Variants in DCHS2 observed in about 807,000 individuals in gnomAD.
DCHS2 encodes the protein dachsous cadherin-related 2.
A neutral mutation model predicts 182.4 loss-of-function variants in DCHS2; 142 were observed. The ratio of observed to expected loss-of-function variants is 0.78; its 90% CI spans 0.68 to 0.89. The LOEUF (loss-of-function observed/expected upper bound fraction) is 0.89, where lower values mean the gene tolerates loss of function less well. DCHS2 is among the 40% of genes least tolerant of loss of function. The probability of loss-of-function intolerance (pLI) is 0.00; values close to 1 mark genes in which losing one functional copy is unlikely to be tolerated. For missense variants in DCHS2, 4,319 were observed against 4,198.6 expected (o/e 1.03, Z -0.79); for synonymous variants, 1,740 against 1,663.3 (o/e 1.05, Z -1.12).
chr4:154,310,822 A>C (rs1001802308), intron 10 of DCHS2, among the ~76,000 whole-genome samples: 1 of 152,234 alleles, frequency 6.6e-6, no homozygotes, highest in Non-Finnish European at 1.5e-5. Flanking sequence ...TCTGATGAGC[A>C]GAAAGTAGCA....
At chr4:154,345,853 T>G (rs1267107172) in intron 3 of DCHS2, among the ~76,000 whole-genome samples, 1 of 152,214 alleles carries the variant, frequency 6.6e-6, no homozygotes, top group East Asian at 1.9e-4. Flanking sequence ...TTAGTCAGAA[T>G]TACACAAAGA....
At chr4:154,332,362 T>C (rs887084999) in intron 5 of DCHS2, 116 bp downstream of exon 5, 2 of 929,614 alleles carry the variant, frequency 2.2e-6, no homozygotes, top group Non-Finnish European at 3.1e-6. Flanking sequence ...CCTAACGACT[T>C]GAGTTTTCTC....
intron 1 of DCHS2, among the ~76,000 whole-genome samples, chr4:154,385,783 C>T (rs568449437): frequency 3.9e-4 from 60 of 152,216 alleles, no homozygotes; most frequent in African/African-American, 1.3e-3. Flanking sequence ...TGAGCCACCA[C>T]GCCCAGCCCA....
At chr4:154,272,069 A>T (rs1368017428) in intron 13 of DCHS2, 1 of 152,170 alleles carries the variant, frequency 6.6e-6, no homozygotes, top group African/African-American at 2.4e-5. Context: ...TTTTTTGAGA[A>T]TCAAGCATGT....
At chr4:154,337,964 C>A (rs1055908878) in intron 3 of DCHS2, among the ~76,000 whole-genome samples, 7 of 152,102 alleles carry the variant, frequency 4.6e-5, no homozygotes, top group African/African-American at 7.2e-5. Context: ...TGGTCTCGAA[C>A]TCCTGACGTG....
At chr4:154,449,361 A>G (rs573812804) in intron 1 of DCHS2, among the ~76,000 whole-genome samples, 1 of 152,162 alleles carries the variant, frequency 6.6e-6, no homozygotes, top group African/African-American at 2.4e-5. Context: ...AAAAATGAGT[A>G]AATAAGTTTT....
rs1220408236 is a variant in DCHS2, at chr4:154,236,632, C to T, written c.8020G>A (p.Val2674Ile). Reference sequence around the variant, plus strand: ...CTCCCTAGAGGGGTGCTTTCCTTGACATGGGTGTGATAGCTCAGGCTGCTG... The same window carrying T: ...CTCCCTAGAGGGGTGCTTTCCTTGATATGGGTGTGATAGCTCAGGCTGCTG... Reference protein sequence around the residue: ...NFSSLSYHTHVKESTPLGSHI... With the variant: ...NFSSLSYHTHIKESTPLGSHI... The change falls in exon 20 of 20, where the codon GTC (valine) becomes ATC (isoleucine). Residue 2674 changes from valine (V) to isoleucine (I), a missense_variant. Transcript: ENST00000357232. 3.1e-6 allele frequency: 5 copies of T among 1,613,992 alleles called. No individual in the cohort carries two copies. Among genetic ancestry groups the T allele is most frequent in the Non-Finnish European group, 4.2e-6 (5 of 1,179,930 alleles).
intron 1 of DCHS2, among the ~76,000 whole-genome samples, chr4:154,478,914 T>C (rs1374917826): frequency 6.6e-6 from 1 of 152,088 alleles, no homozygotes; most frequent in Non-Finnish European, 1.5e-5. Flanking sequence ...CAACAAAACA[T>C]ACACAATGTC....
chr4:154,302,845 TATATGAA>T, intron 12 of DCHS2, among the ~76,000 whole-genome samples: 1 of 104,064 alleles, frequency 9.6e-6, no homozygotes, highest in Non-Finnish European at 2.2e-5. Context: ...TATACACACA[TATATGAA>T]ATATATATAC....
Position 154,319,406 on chromosome 4 carries a change from GA to G in DCHS2, c.5020+972del, listed in dbSNP as rs1735970103. ...GAAAAAGGCAACCTATAGAATGGGAGAAAGTATTTGTAAATCATCTATCTGA... is the reference window on the plus strand; with the variant it reads ...GAAAAAGGCAACCTATAGAATGGGAGAAGTATTTGTAAATCATCTATCTGA... On this transcript the variant is annotated intron_variant, in intron 9 of 19. Transcript: ENST00000357232. Among the ~76,000 whole-genome samples, 3 of 151,862 alleles carry G rather than the reference GA, an allele frequency of 2.0e-5. No individual in the cohort carries two copies. In the South Asian group the frequency reaches 6.2e-4, roughly 32 times the overall value.
chr4:154,247,737 C>T (rs1300140179), intron 16 of DCHS2, among the ~76,000 whole-genome samples: 1 of 151,140 alleles, frequency 6.6e-6, no homozygotes, highest in Non-Finnish European at 1.5e-5. Context: ...ACAGCAATGC[C>T]TTCAAAATTC....
rs770859675 is a variant in DCHS2 at position 154,320,801 on chromosome 4, T to C, written c.4598A>G (p.Asn1533Ser). The C allele has an allele frequency of 1.4e-5, 22 of 1,614,110 alleles. No homozygotes were observed. Among genetic ancestry groups the C allele is most frequent in the South Asian group, 7.7e-5 (7 of 91,086 alleles). ...VPIGTLVYVF[N>S]AKDDDGSFLN... Reference sequence around the variant, plus strand: ...AAAACTGCCGTCATCATCTTTGGCATTGAAGACATACACCAGGGTTCCTAT... The same window carrying C: ...AAAACTGCCGTCATCATCTTTGGCACTGAAGACATACACCAGGGTTCCTAT... Residue 1533 changes from asparagine (N) to serine (S), a missense_variant, in exon 9 of 20, where the codon AAT becomes AGT. By Grantham distance (46) the Asn-to-Ser change is conservative (BLOSUM62 1). Transcript: ENST00000357232.
intron 1 of DCHS2, among the ~76,000 whole-genome samples, chr4:154,436,082 C>T (rs2110945465): frequency 6.6e-6 from 1 of 152,338 alleles, no homozygotes; most frequent in African/African-American, 2.4e-5. Context: ...TTCTTTACTG[C>T]TCTCTGTAGG....
At chr4:154,328,634 T>A (rs1166106589) in intron 6 of DCHS2, among the ~76,000 whole-genome samples, 1 of 152,212 alleles carries the variant, frequency 6.6e-6, no homozygotes, top group Admixed American at 6.5e-5. Context: ...TATCAGGAGC[T>A]GTCCTGCAAT....
At chr4:154,455,521 C>A (rs1734726676) in intron 1 of DCHS2, among the ~76,000 whole-genome samples, 1 of 152,110 alleles carries the variant, frequency 6.6e-6, no homozygotes, top group Non-Finnish European at 1.5e-5. Flanking sequence ...ATTATGAAAA[C>A]AATTCTATGT....
At chr4:154,369,031 C>T (rs1398638133) in intron 2 of DCHS2, among the ~76,000 whole-genome samples, 4 of 152,134 alleles carry the variant, frequency 2.6e-5, no homozygotes, top group Non-Finnish European at 4.4e-5. Flanking sequence ...TATACATTTA[C>T]TGTGCTAATG....
intron 3 of DCHS2, among the ~76,000 whole-genome samples, chr4:154,347,878 C>G (rs917773845): frequency 6.6e-6 from 1 of 151,872 alleles, no homozygotes; most frequent in African/African-American, 2.4e-5. Flanking sequence ...ACATGTCTAG[C>G]CCCTTTACTT....
chr4:154,315,640 C>T (rs1735823073), intron 10 of DCHS2, 108 bp downstream of exon 10: 2 of 1,477,370 alleles, frequency 1.4e-6, no homozygotes. Flanking sequence ...TTTGAGATAA[C>T]TAGCAACTGT....
rs142200200 is a variant in DCHS2, at chr4:154,321,105, G to T, written c.4294C>A (p.Gln1432Lys). 3.1e-6 allele frequency: 5 copies of T among 1,607,184 alleles called. No individual in the cohort carries two copies. The highest frequency in any genetic ancestry group is 1.7e-5 in the Admixed American group (1 of 59,766). The change falls in exon 9 of 20, where the codon CAA (glutamine) becomes AAA (lysine). Residue 1432 changes from glutamine to lysine, a missense_variant. Coordinates refer to ENST00000357232, the MANE Select transcript of DCHS2 (RefSeq NM_001358235.2). Reference protein sequence around the residue: ...MSLIKSSDHLQQHYNGKLHFS... With the variant: ...MSLIKSSDHLKQHYNGKLHFS... The stretch of plus-strand genomic sequence containing the variant: ...TGTAACTTTCCATTATAATGTTGTT[G>T]AAGGTGATCAGATGACTTTATCAAG...
Sources: allele counts gnomAD v4.1 joint callset (sites outside exome capture counted in the v4.1 genomes callset), GRCh38; gene constraint gnomAD v4.1.1; transcripts MANE v1.5; gene names NCBI Gene and HGNC (gene_info 2026-07-23, HGNC 2026-07-21).